Variants in CNOT2 observed in about 807,000 individuals in gnomAD.
CNOT2 encodes the protein CCR4-NOT transcription complex subunit 2.
A neutral mutation model predicts 72.1 loss-of-function variants in CNOT2; 7 were observed. The observed-to-expected ratio is 0.10, with a 90% CI of 0.06 to 0.18. The LOEUF (loss-of-function observed/expected upper bound fraction) is 0.18. Ranked by LOEUF, CNOT2 falls within the 10% of genes least tolerant of loss-of-function variation. The pLI is 1.00. For synonymous variants in CNOT2, 196 were observed against 225.6 expected (o/e 0.87, Z 1.17); for missense variants, 345 against 660.3 (o/e 0.52, Z 5.23).
intron 1 of CNOT2, among the ~76,000 whole-genome samples, chr12:70,250,398 G>C (rs1045658305): frequency 6.6e-6 from 1 of 152,090 alleles, no homozygotes; most frequent in East Asian, 1.9e-4. Flanking sequence ...CTGGTTATAT[G>C]TTAGCACTCT....
chr12:70,295,637 A>G (rs1872690896), intron 2 of CNOT2, among the ~76,000 whole-genome samples: 1 of 152,152 alleles, frequency 6.6e-6, no homozygotes, highest in African/African-American at 2.4e-5. Flanking sequence ...CCTAATATTT[A>G]AAGATAAAGT....
chr12:70,353,666 T>C (rs892604214), intron 15 of CNOT2, among the ~76,000 whole-genome samples, 163 bp from the exon 16 acceptor site: 4 of 152,156 alleles, frequency 2.6e-5, no homozygotes, highest in Admixed American at 2.0e-4. Context: ...CACATTATTT[T>C]TCTTCAAGCT....
intron 6 of CNOT2, chr12:70,331,041 C>G (rs1387152367): frequency 6.6e-6 from 1 of 151,916 alleles, no homozygotes; most frequent in East Asian, 1.9e-4. Flanking sequence ...AGAGGAGTTA[C>G]TCATTTTGTT....
chr12:70,331,770 A>G (rs1454036589), intron 6 of CNOT2: 1 of 151,824 alleles, frequency 6.6e-6, no homozygotes, highest in African/African-American at 2.4e-5. Context: ...TTGTTTCACT[A>G]TAGGTTTATA....
chr12:70,326,150 T>C (rs1236456394), intron 4 of CNOT2, among the ~76,000 whole-genome samples: 2 of 151,790 alleles, frequency 1.3e-5, no homozygotes, highest in African/African-American at 4.8e-5. Context: ...CCTCCTAATA[T>C]TGTGTTGTTA....
intron 1 of CNOT2, among the ~76,000 whole-genome samples, chr12:70,264,433 T>C (rs1371533703): frequency 1.3e-5 from 2 of 152,236 alleles, no homozygotes; most frequent in Non-Finnish European, 2.9e-5. Flanking sequence ...CTGCTCCTGC[T>C]CTGCAGCAGA....
At chr12:70,243,243 G>A (rs996447064), upstream of CNOT2, 3 of 152,688 alleles carry the variant, frequency 2.0e-5, no homozygotes, top group African/African-American at 7.2e-5. Flanking sequence ...CGGCGGTAAG[G>A]GCGGTAGGGA....
chr12:70,245,912 A>C (rs1957856102), intron 1 of CNOT2, among the ~76,000 whole-genome samples: 1 of 152,186 alleles, frequency 6.6e-6, no homozygotes, highest in Non-Finnish European at 1.5e-5. Flanking sequence ...TTTCAGGTGT[A>C]TGAATAGATT....
chr12:70,344,180 A>G lies in CNOT2; in HGVS notation c.1343A>G (p.Tyr448Cys). 1 of 1,613,074 alleles carries G rather than the reference A, an allele frequency of 6.2e-7. No homozygotes were observed. The highest frequency in any genetic ancestry group is 8.5e-7 in the Non-Finnish European group (1 of 1,179,356). The change falls in exon 14 of 16, where the codon TAT (tyrosine) becomes TGT (cysteine). Residue 448 changes from tyrosine to cysteine, a missense_variant. By Grantham distance (194) the Tyr-to-Cys change is radical. Transcript: ENST00000229195. ...RYGEDLLFYL[Y>C]YMNGGDVLQL... is the part of the protein sequence containing the mutation. ...GGTGAAGACCTTCTCTTCTATCTCTATTACATGAATGGAGGAGACGTATTA... is the reference window on the plus strand; with the variant it reads ...GGTGAAGACCTTCTCTTCTATCTCTGTTACATGAATGGAGGAGACGTATTA...
chr12:70,281,402 A>T (rs572139483), intron 2 of CNOT2, among the ~76,000 whole-genome samples: 1 of 152,204 alleles, frequency 6.6e-6, no homozygotes, highest in Non-Finnish European at 1.5e-5. Flanking sequence ...CCTTTGTTAC[A>T]TAACATATTC....
At chr12:70,317,962 G>A (rs1484924378) in intron 3 of CNOT2, among the ~76,000 whole-genome samples, 1 of 151,538 alleles carries the variant, frequency 6.6e-6, no homozygotes, top group African/African-American at 2.4e-5. Context: ...TTCATCCCTG[G>A]AAACCACAGA....
intron 1 of CNOT2, among the ~76,000 whole-genome samples, chr12:70,256,182 C>G (rs575643567): frequency 8.3e-4 from 126 of 152,104 alleles, no homozygotes; most frequent in African/African-American, 3.0e-3. Flanking sequence ...AGCCTTGGAC[C>G]AAAAATGTAC....
chr12:70,280,678 G>A (rs1231760798), intron 2 of CNOT2, among the ~76,000 whole-genome samples: 1 of 152,130 alleles, frequency 6.6e-6, no homozygotes, highest in African/African-American at 2.4e-5. Context: ...CCTGATTAAA[G>A]CCTTAGGAAT....
At chr12:70,291,501 A>G (rs931979449) in intron 2 of CNOT2, among the ~76,000 whole-genome samples, 3 of 152,230 alleles carry the variant, frequency 2.0e-5, no homozygotes, top group African/African-American at 7.2e-5. Context: ...TAGTCTTCAC[A>G]TTCTACCTGA....
At chr12:70,274,747 C>T (rs1868474313) in intron 1 of CNOT2, among the ~76,000 whole-genome samples, 1 of 152,000 alleles carries the variant, frequency 6.6e-6, no homozygotes, top group African/African-American at 2.4e-5. Context: ...TTTGCCTTTT[C>T]CATAATGTCA....
intron 3 of CNOT2, among the ~76,000 whole-genome samples, chr12:70,318,740 T>A (rs891395125): frequency 6.6e-6 from 1 of 151,898 alleles, no homozygotes; most frequent in African/African-American, 2.4e-5. Context: ...GTTTTGATGG[T>A]TGTCTAATAT....
At chr12:70,285,071 T>A (rs1391379988) in intron 2 of CNOT2, among the ~76,000 whole-genome samples, 1 of 152,232 alleles carries the variant, frequency 6.6e-6, no homozygotes, top group African/African-American at 2.4e-5. Flanking sequence ...AGAAAAATAG[T>A]TTACATTTAA....
intron 1 of CNOT2, among the ~76,000 whole-genome samples, chr12:70,257,430 G>A (rs908488385): frequency 1.4e-5 from 2 of 143,048 alleles, no homozygotes; most frequent in South Asian, 2.2e-4. Flanking sequence ...GCACCATCTC[G>A]GCTCACTGCA....
chr12:70,267,048 T>C (rs977756218), intron 1 of CNOT2, among the ~76,000 whole-genome samples: 1 of 152,194 alleles, frequency 6.6e-6, no homozygotes, highest in African/African-American at 2.4e-5. Flanking sequence ...ATTTTACTTA[T>C]TGAGTTTTTT....
Sources: gnomAD v4.1 joint callset for allele counts (sites outside exome capture counted in the v4.1 genomes callset) on GRCh38, gnomAD v4.1.1 for gene constraint, MANE v1.5 for transcripts, NCBI Gene and HGNC (gene_info 2026-07-23, HGNC 2026-07-21) for gene names.